Variants in TBCD observed in about 807,000 individuals in gnomAD.
The protein encoded by TBCD is tubulin folding cofactor D, also known as tubulin-specific chaperone D.
A neutral mutation model predicts 169.3 loss-of-function variants in TBCD; 105 were observed. That is an observed-to-expected ratio of 0.62 (90% CI 0.53 to 0.73). The LOEUF is 0.73. Ranked by LOEUF, TBCD falls within the 30% of genes least tolerant of loss-of-function variation. The pLI is 0.00. For missense variants in TBCD, 1,444 were observed against 1,600.1 expected, an observed-to-expected ratio of 0.90 and a Z score of 1.66; for synonymous variants, 700 against 643.9, an observed-to-expected ratio of 1.09 and a Z score of -1.32.
chr17:82,769,009 G>A (rs55646742), intron 5 of TBCD, among the ~76,000 whole-genome samples: 14,216 of 152,258 alleles, frequency 0.093, 1,768 homozygotes, highest in African/African-American at 0.28. Context: ...TTTTCCTGAT[G>A]TAAATATTAT....
rs535454071 is a variant in TBCD at position 82,937,808 on chromosome 17, G to GC, written c.3282-240dup. 9.6e-5 allele frequency: 137 copies of GC among 1,428,354 alleles called. No homozygotes were observed. The African/African-American group carries it at 1.8e-3, about 19-fold the overall frequency. The allele number at this position is 1,428,354 out of a possible 1,614,324, so 88.5% of individuals were successfully genotyped here. A position where few individuals can be genotyped will look rare whatever the true frequency, so the allele number is the denominator to read the frequency against. ...TCCTCATGGCAGGGCGAGCGGCCCT[G>GC]CAGGAGATCCTCTGTGAGGCGTCCT... On this transcript the variant is annotated intron_variant, in intron 35 of 38. Transcript: ENST00000355528.
intron 14 of TBCD, among the ~76,000 whole-genome samples, chr17:82,872,884 G>C (rs60418837): frequency 3.2e-3 from 376 of 117,910 alleles, no homozygotes; most frequent in African/African-American, 9.1e-3. Flanking sequence ...CCCATCACCT[G>C]GTGGCCGACG....
At chr17:82,932,166 C>G (rs906377328) in intron 33 of TBCD, 1 of 216,622 alleles carries the variant, frequency 4.6e-6, no homozygotes, top group African/African-American at 2.5e-5. Flanking sequence ...TTGCCTAATC[C>G]GTGGTCACTG....
At chr17:82,759,082 A>G (rs867692129) in intron 2 of TBCD, among the ~76,000 whole-genome samples, 50 of 152,164 alleles carry the variant, frequency 3.3e-4, no homozygotes, top group Admixed American at 6.5e-4. Context: ...TGGCGCAGTC[A>G]TAGCTCACTG....
In TBCD at chr17:82,903,309, G is replaced by T. The variant is rs1428666018; in HGVS notation, c.1731-96G>T. 2 of 1,182,262 alleles carry T rather than the reference G, an allele frequency of 1.7e-6. No individual in the cohort carries two copies. The highest frequency in any genetic ancestry group is 1.4e-5 in the South Asian group (1 of 72,248). 73.2% of individuals were successfully genotyped at this position (1,182,262 alleles called of 1,614,324 possible). On this transcript the variant is annotated intron_variant, in intron 18 of 38. Transcript: ENST00000355528. This position sits in a 1 kb window ranked among gnomAD's most constrained non-coding sequence, Gnocchi z 4.8. ...AGCCTCTGCTAAGTGGCCGGTTGAGGACTCGTGTGTTGTCTCCCTCACTTT... is the reference window on the plus strand; with the variant it reads ...AGCCTCTGCTAAGTGGCCGGTTGAGTACTCGTGTGTTGTCTCCCTCACTTT...
rs1001447219 is a variant in TBCD at position 82,923,569 on chromosome 17, C to T, written c.2179-83C>T. 15 of 1,193,770 alleles carry T rather than the reference C, an allele frequency of 1.3e-5. No homozygotes were observed. The highest frequency in any genetic ancestry group is 1.7e-5 in the Non-Finnish European group (14 of 835,606). The allele number at this position is 1,193,770 out of a possible 1,614,324, so 73.9% of individuals were successfully genotyped here. On this transcript the variant is annotated intron_variant, in intron 25 of 38. Coordinates refer to ENST00000355528, the MANE Select transcript of TBCD (RefSeq NM_005993.5). The surrounding 1 kb of genome is among the most constrained non-coding windows in gnomAD (Gnocchi z 4.6). ...TGTCCCTGGTCAGGTGCTTCTCCGACTTCAGAGTGACCTGCTCTGTCCCTG... is the reference window on the plus strand; with the variant it reads ...TGTCCCTGGTCAGGTGCTTCTCCGATTTCAGAGTGACCTGCTCTGTCCCTG...
chr17:82,821,694 A>G (rs945226756), intron 13 of TBCD, among the ~76,000 whole-genome samples: 1 of 152,140 alleles, frequency 6.6e-6, no homozygotes, highest in African/African-American at 2.4e-5. Flanking sequence ...CTGGTGTCCC[A>G]AAGCCACAGA....
chr17:82,883,987 CTG>C (rs1173241701), intron 14 of TBCD, among the ~76,000 whole-genome samples, 156 bp from the exon 15 acceptor site: 5 of 152,208 alleles, frequency 3.3e-5, no homozygotes, highest in Non-Finnish European at 5.9e-5. Context: ...ATGTGTCTGT[CTG>C]CAGTCCCTGG....
At chr17:82,883,764 C>T (rs933069231) in intron 14 of TBCD, among the ~76,000 whole-genome samples, 2 of 152,276 alleles carry the variant, frequency 1.3e-5, no homozygotes, top group Non-Finnish European at 2.9e-5. Flanking sequence ...AGTTCTCGTC[C>T]TCCAGGGCAC....
chr17:82,837,574 A>C (rs111822106), intron 13 of TBCD, among the ~76,000 whole-genome samples: 15 of 152,206 alleles, frequency 9.9e-5, no homozygotes, highest in African/African-American at 3.6e-4. Flanking sequence ...GCAGAGTCTC[A>C]TTCATTATCT....
intron 7 of TBCD, among the ~76,000 whole-genome samples, chr17:82,785,863 A>G (rs574914753): frequency 2.9e-4 from 40 of 138,610 alleles, no homozygotes; most frequent in African/African-American, 1.1e-3. Context: ...AGGGGGGTCC[A>G]TGCTGTGTGA....
chr17:82,930,736 CTG>C lies in TBCD; in HGVS notation c.3113+94_3113+95del. The C allele has an allele frequency of 6.4e-7, 1 of 1,574,090 alleles. No homozygotes were observed. Among genetic ancestry groups the C allele is most frequent in the Non-Finnish European group, 8.6e-7 (1 of 1,157,778 alleles). On this transcript the variant is annotated intron_variant, in intron 33 of 38. Coordinates refer to ENST00000355528, the MANE Select transcript of TBCD (RefSeq NM_005993.5). The surrounding 1 kb of genome is among the most constrained non-coding windows in gnomAD (Gnocchi z 5.2). Reference sequence around the variant, plus strand: ...ATTCCCGGGGTCTCGCAGGGTCTGTCTGGGGTCTGAAGGGAGAAGCGAGACAC... The same window carrying C: ...ATTCCCGGGGTCTCGCAGGGTCTGTCGGGTCTGAAGGGAGAAGCGAGACAC...
At chr17:82,910,316 T>G (rs1353949636) in intron 22 of TBCD, among the ~76,000 whole-genome samples, 3 of 152,236 alleles carry the variant, frequency 2.0e-5, no homozygotes, top group African/African-American at 7.2e-5. Flanking sequence ...GGCCTCTCGC[T>G]GCTGCTGGAG....
chr17:82,925,029 G>T lies in TBCD; in HGVS notation c.2351G>T (p.Gly784Val). 6.4e-7 allele frequency: 1 copy of T among 1,563,834 alleles called. No homozygotes were observed. The highest frequency in any genetic ancestry group is 8.7e-7 in the Non-Finnish European group (1 of 1,153,554). ...TCGTTGGCCTTGGGCGCCCTTCCAG[G>T]CTTCCTTCTGAAAGGCCGGCTCCAG... ...GFSLALGALP[G>V]FLLKGRLQQV... Residue 784 changes from glycine (G) to valine (V), a missense_variant, in exon 27 of 39, where the codon GGC becomes GTC. By Grantham distance (109) the Gly-to-Val change is moderately radical. Transcript: ENST00000355528.
intron 13 of TBCD, among the ~76,000 whole-genome samples, chr17:82,857,022 A>G (rs1213405496): frequency 6.6e-6 from 1 of 152,120 alleles, no homozygotes. Context: ...TCGGTGTGTT[A>G]CTGAGGCGTC....
At chr17:82,761,359 CATTTTATTGAGTTTTA>C (rs796712478) in intron 2 of TBCD, among the ~76,000 whole-genome samples, 25 of 152,272 alleles carry the variant, frequency 1.6e-4, no homozygotes, top group African/African-American at 5.3e-4. Flanking sequence ...ATTCTTAGAA[CATTTTATTGAGTTTTA>C]ATTTTATTGA....
chr17:82,867,720 G>T (rs541632153), intron 13 of TBCD, among the ~76,000 whole-genome samples: 1 of 152,328 alleles, frequency 6.6e-6, no homozygotes, highest in East Asian at 1.9e-4. Context: ...TTCTTGTTTG[G>T]TTTCGCGTCT....
chr17:82,792,871 T>TC (rs1416047313), intron 7 of TBCD, among the ~76,000 whole-genome samples: 2 of 151,986 alleles, frequency 1.3e-5, no homozygotes, highest in Non-Finnish European at 2.9e-5. Context: ...GAAGTCATCC[T>TC]CCCCCCTCAG....
chr17:82,933,005 C>G (rs2062332866), intron 34 of TBCD: 2 of 489,952 alleles, frequency 4.1e-6, no homozygotes, highest in South Asian at 2.1e-5. Flanking sequence ...ACTCTCCCCC[C>G]AGCTATCCCA....
Sources: gnomAD v4.1 joint callset for allele counts (sites outside exome capture counted in the v4.1 genomes callset) on GRCh38, gnomAD v4.1.1 for gene constraint, Gnocchi (gnomAD v3.1) non-coding constraint, MANE v1.5 for transcripts, NCBI Gene and HGNC (gene_info 2026-07-23, HGNC 2026-07-21) for gene names.